NOVA1: variants seen among roughly 807,000 people sequenced by gnomAD.
The protein encoded by NOVA1 is NOVA alternative splicing regulator 1, also known as RNA-binding protein Nova-1.
In NOVA1, 7 loss-of-function variants were observed where a neutral mutation model predicts 38.0. The observed-to-expected ratio is 0.18, with a 90% CI of 0.10 to 0.35. The LOEUF (loss-of-function observed/expected upper bound fraction) is 0.35. Among genes scored for constraint, NOVA1 ranks in the 10% least tolerant of loss-of-function variants. NOVA1 has a pLI of 1.00. For synonymous variants in NOVA1, 270 were observed against 232.5 expected (o/e 1.16, Z -1.47); for missense variants, 460 against 616.0 (o/e 0.75, Z 2.68).
intron 2 of NOVA1, among the ~76,000 whole-genome samples, chr14:26,550,861 T>C (rs1352276724): frequency 1.3e-5 from 2 of 152,132 alleles, no homozygotes; most frequent in African/African-American, 4.8e-5. Context: ...ATTTGGCATA[T>C]ACTCAGTGGA....
At chr14:26,509,104 A>G (rs983774810) in intron 2 of NOVA1, among the ~76,000 whole-genome samples, 1 of 152,292 alleles carries the variant, frequency 6.6e-6, no homozygotes, top group Non-Finnish European at 1.5e-5. Flanking sequence ...TCAAGAAACA[A>G]TTCATACAGA....
chr14:26,562,308 A>G (rs1891878324), intron 2 of NOVA1, among the ~76,000 whole-genome samples: 1 of 152,188 alleles, frequency 6.6e-6, no homozygotes, highest in Admixed American at 6.5e-5. Context: ...CATTTGTATA[A>G]TAAGGATAAC....
chr14:26,471,641 T>A (rs1269532426), intron 4 of NOVA1, among the ~76,000 whole-genome samples: 1 of 151,922 alleles, frequency 6.6e-6, no homozygotes, highest in African/African-American at 2.4e-5. Flanking sequence ...AATAACTACA[T>A]TTTTGAAGAA....
chr14:26,510,192 T>C (rs1566490786), intron 2 of NOVA1, among the ~76,000 whole-genome samples: 2 of 152,334 alleles, frequency 1.3e-5, no homozygotes, highest in South Asian at 2.1e-4. Flanking sequence ...ATTTATTTTA[T>C]TGACTTCCTT....
rs958846292 is a variant in NOVA1 at position 26,445,964 on chromosome 14, C to G, written c.*1995G>C. ...GCGGCAATGCTAACCACTGATTCCA[C>G]GAGATACACTATTTGTCAAAACTTA... On this transcript the variant is annotated 3_prime_UTR_variant, in exon 5 of 5. Transcript: ENST00000539517. The G allele has an allele frequency of 6.6e-6, 1 of 152,492 alleles. No individual in the cohort carries two copies. The highest frequency in any genetic ancestry group is 1.5e-5 in the Non-Finnish European group (1 of 68,016). The allele number at this position is 152,492 out of a possible 1,614,324, so 9.4% of individuals were successfully genotyped here. A position where few individuals can be genotyped will look rare whatever the true frequency, so the allele number is the denominator to read the frequency against.
intron 2 of NOVA1, among the ~76,000 whole-genome samples, chr14:26,556,058 T>C (rs1306995647): frequency 6.6e-6 from 1 of 152,154 alleles, no homozygotes; most frequent in Non-Finnish European, 1.5e-5. Context: ...AGACTCACTG[T>C]TGTTAACATG....
intron 2 of NOVA1, among the ~76,000 whole-genome samples, chr14:26,526,345 A>T (rs1484627427): frequency 6.6e-6 from 1 of 152,146 alleles, no homozygotes; most frequent in Non-Finnish European, 1.5e-5. Context: ...TGCTTTCCTG[A>T]GTATTCAGTC....
At chr14:26,494,058 G>A (rs1329552088) in intron 2 of NOVA1, among the ~76,000 whole-genome samples, 1 of 152,124 alleles carries the variant, frequency 6.6e-6, no homozygotes, top group Non-Finnish European at 1.5e-5. Context: ...CCAGAAGTCT[G>A]TTTCTTCAGC....
At chr14:26,540,152 C>T (rs1890370905) in intron 2 of NOVA1, among the ~76,000 whole-genome samples, 1 of 152,200 alleles carries the variant, frequency 6.6e-6, no homozygotes, top group African/African-American at 2.4e-5. Flanking sequence ...CCCCCACACC[C>T]CTTCCCTGAC....
At chr14:26,498,229 T>G (rs930242701) in intron 2 of NOVA1, among the ~76,000 whole-genome samples, 1 of 151,564 alleles carries the variant, frequency 6.6e-6, no homozygotes, top group Non-Finnish European at 1.5e-5. Flanking sequence ...CCAGTTAATT[T>G]TTTTTTTTTT....
At chr14:26,476,047 C>G (rs1184774439) in intron 3 of NOVA1, among the ~76,000 whole-genome samples, 1 of 152,118 alleles carries the variant, frequency 6.6e-6, no homozygotes, top group Non-Finnish European at 1.5e-5. Context: ...CCTTCCCAAT[C>G]CCCTATTTTG....
At chr14:26,456,890 A>G (rs1046256471) in intron 4 of NOVA1, among the ~76,000 whole-genome samples, 3 of 151,944 alleles carry the variant, frequency 2.0e-5, no homozygotes, top group African/African-American at 7.2e-5. Flanking sequence ...ACTACACTAT[A>G]TGAAATTATA....
chr14:26,540,771 A>G (rs1358302066), intron 2 of NOVA1, among the ~76,000 whole-genome samples: 1 of 152,174 alleles, frequency 6.6e-6, no homozygotes, highest in Non-Finnish European at 1.5e-5. Context: ...TTAAGACTTA[A>G]ATACCAGGAA....
At chr14:26,565,046 A>G (rs1892051295) in intron 2 of NOVA1, among the ~76,000 whole-genome samples, 1 of 152,174 alleles carries the variant, frequency 6.6e-6, no homozygotes. Flanking sequence ...AGGTGTAGAG[A>G]GTACAAGATA....
intron 2 of NOVA1, among the ~76,000 whole-genome samples, chr14:26,490,997 C>T (rs1049109652): frequency 6.6e-6 from 1 of 151,800 alleles, no homozygotes; most frequent in Non-Finnish European, 1.5e-5. Context: ...CTACAGGCGC[C>T]CGCCACCACG....
At chr14:26,559,379 C>T (rs1891684374) in intron 2 of NOVA1, among the ~76,000 whole-genome samples, 1 of 152,064 alleles carries the variant, frequency 6.6e-6, no homozygotes, top group Non-Finnish European at 1.5e-5. Context: ...TATTTAACCA[C>T]CATTTATAAA....
chr14:26,461,486 G>A (rs1398059547), intron 4 of NOVA1, among the ~76,000 whole-genome samples: 1 of 152,032 alleles, frequency 6.6e-6, no homozygotes, highest in Non-Finnish European at 1.5e-5. Context: ...AGGGAGATCC[G>A]ATTCCCGTCA....
intron 2 of NOVA1, among the ~76,000 whole-genome samples, chr14:26,587,870 C>G (rs898286093): frequency 2.0e-5 from 3 of 150,998 alleles, no homozygotes; most frequent in African/African-American, 4.8e-5. Context: ...GCCCTTCCCC[C>G]CTAGATTAGA....
intron 2 of NOVA1, among the ~76,000 whole-genome samples, chr14:26,534,422 C>T (rs1889932024): frequency 6.6e-6 from 1 of 151,930 alleles, no homozygotes; most frequent in Non-Finnish European, 1.5e-5. Context: ...TGAAGGAAAA[C>T]ATTTTTGGCA....
Sources: allele counts gnomAD v4.1 joint callset (sites outside exome capture counted in the v4.1 genomes callset), GRCh38; gene constraint gnomAD v4.1.1; transcripts MANE v1.5; gene names NCBI Gene and HGNC (gene_info 2026-07-23, HGNC 2026-07-21).